The following ADAP1 variants were observed in gnomAD, a reference collection of about 807,000 sequenced individuals.
ADAP1 encodes the protein arf-GAP with dual PH domain-containing protein 1.
Under a neutral mutation model 54.9 loss-of-function variants are expected in ADAP1, and 31 were observed. The ratio of observed to expected loss-of-function variants is 0.56; its 90% CI spans 0.42 to 0.76. The LOEUF (loss-of-function observed/expected upper bound fraction) is 0.76. ADAP1 is among the 30% of genes least tolerant of loss of function. The probability of loss-of-function intolerance (pLI) is 0.00; values close to 1 mark genes in which losing one functional copy is unlikely to be tolerated. For missense variants in ADAP1, 535 were observed against 512.4 expected, an observed-to-expected ratio of 1.04 and a Z score of -0.42; for synonymous variants, 313 against 202.6, an observed-to-expected ratio of 1.55 and a Z score of -4.63.
chr7:904,931 G>C (rs527953763), intron 5 of ADAP1, 129 bp downstream of exon 5: 21 of 785,482 alleles, frequency 2.7e-5, no homozygotes, highest in African/African-American at 6.9e-5. Flanking sequence ...GGTTCTCCTG[G>C]AGCGTCCCCA....
intron 4 of ADAP1, among the ~76,000 whole-genome samples, chr7:911,977 G>T: frequency 6.6e-6 from 1 of 152,180 alleles, no homozygotes; most frequent in East Asian, 1.9e-4. Flanking sequence ...AAAGCCTCGC[G>T]CTGCCTGCGA....
At chr7:905,270 C>CCCGGGGGACACGG in intron 4 of ADAP1, 98 bp from the exon 5 acceptor site, 1 of 507,718 alleles carries the variant, frequency 2.0e-6, no homozygotes, top group Admixed American at 2.9e-5. Context: ...GGGGAGAAGA[C>CCCGGGGGACACGG]ACGGGGGACA....
At chr7:907,117 A>C (rs1304383145) in intron 4 of ADAP1, among the ~76,000 whole-genome samples, 2 of 151,998 alleles carry the variant, frequency 1.3e-5, no homozygotes, top group Non-Finnish European at 2.9e-5. Context: ...TTTTCAGGAA[A>C]GCTCATCTGA....
chr7:925,465 C>T (rs1414404026), intron 3 of ADAP1, among the ~76,000 whole-genome samples: 1 of 152,130 alleles, frequency 6.6e-6, no homozygotes, highest in African/African-American at 2.4e-5. Context: ...TCCGGCCTCC[C>T]CTCCACCCTA....
intron 4 of ADAP1, among the ~76,000 whole-genome samples, chr7:917,504 G>A (rs539542250): frequency 6.6e-5 from 10 of 152,222 alleles, no homozygotes; most frequent in Admixed American, 1.3e-4. Flanking sequence ...TTGCTCTGCC[G>A]CCCAGGCTGG....
At chr7:900,471 C>G in intron 7 of ADAP1, 62 bp downstream of exon 7, 2 of 1,494,034 alleles carry the variant, frequency 1.3e-6, no homozygotes, top group Non-Finnish European at 9.1e-7. Flanking sequence ...ACGAGGGCTC[C>G]GTCCACCCCC....
intron 4 of ADAP1, among the ~76,000 whole-genome samples, chr7:907,455 C>T (rs1845518498): frequency 6.6e-6 from 1 of 152,158 alleles, no homozygotes; most frequent in South Asian, 2.1e-4. Context: ...AGTCTCGGGC[C>T]CGTGGGATCG....
intron 3 of ADAP1, among the ~76,000 whole-genome samples, chr7:921,606 G>A (rs1187640873): frequency 2.0e-5 from 3 of 152,222 alleles, no homozygotes; most frequent in East Asian, 1.9e-4. Context: ...TGAGCCTCGC[G>A]TCCGGCCCCT....
At chr7:914,401 C>A (rs1016589011) in intron 4 of ADAP1, among the ~76,000 whole-genome samples, 1 of 152,220 alleles carries the variant, frequency 6.6e-6, no homozygotes, top group Non-Finnish European at 1.5e-5. Flanking sequence ...AGGGCAGGAA[C>A]GCCGCCGGGA....
intron 9 of ADAP1, 65 bp from the exon 10 acceptor site, chr7:899,326 G>A (rs1844662844): frequency 1.2e-6 from 2 of 1,605,944 alleles, no homozygotes; most frequent in Admixed American, 1.7e-5. Context: ...ACTCAGGCCA[G>A]GACTCGGGAG....
intron 1 of ADAP1, among the ~76,000 whole-genome samples, chr7:937,986 C>T (rs1846831017): frequency 6.6e-6 from 1 of 152,194 alleles, no homozygotes; most frequent in African/African-American, 2.4e-5. Context: ...CCTACTTCAG[C>T]AGAGCCCCTG....
In ADAP1 at chr7:920,059, A is replaced by T. The variant is rs773566929; in HGVS notation, c.306-9T>A. 6.2e-7 allele frequency: 1 copy of T among 1,600,004 alleles called. No individual in the cohort carries two copies. Among genetic ancestry groups the T allele is most frequent in the Non-Finnish European group, 8.5e-7 (1 of 1,178,954 alleles). ...ACTGCTCTCGAAGGAGCCTGTGGGG[A>T]GAGGAGAGACTGAGCCACTGGGCCA... On this transcript the variant is annotated splice_polypyrimidine_tract_variant and intron_variant, in intron 3 of 10. Transcript: ENST00000265846. This position sits in a 1 kb window ranked among gnomAD's most constrained non-coding sequence, Gnocchi z 4.5.
intron 4 of ADAP1, among the ~76,000 whole-genome samples, chr7:911,215 C>T (rs776230005): frequency 1.3e-5 from 2 of 152,136 alleles, no homozygotes; most frequent in Admixed American, 6.5e-5. Flanking sequence ...AGAGGGTGGA[C>T]GAGGGCTCCT....
At chr7:901,172 C>T in intron 6 of ADAP1, 1 of 373,452 alleles carries the variant, frequency 2.7e-6, no homozygotes, top group Non-Finnish European at 5.3e-6. Flanking sequence ...GGGCCAGCAC[C>T]CTGGAACAGA....
At chr7:941,903 A>C (rs1389500791) in intron 1 of ADAP1, among the ~76,000 whole-genome samples, 1 of 152,278 alleles carries the variant, frequency 6.6e-6, no homozygotes, top group Non-Finnish European at 1.5e-5. Context: ...TCATTAAAAA[A>C]TTACAGTTAT....
intron 3 of ADAP1, among the ~76,000 whole-genome samples, chr7:925,592 G>A (rs1168057489): frequency 6.6e-6 from 1 of 152,206 alleles, no homozygotes; most frequent in Non-Finnish European, 1.5e-5. Flanking sequence ...GGCCCCGGAT[G>A]CTGGGGAAGA....
At chr7:919,902 G>GGGGGAGGGAGGGAAAGAGATA in intron 4 of ADAP1, 66 bp downstream of exon 4, 2 of 1,243,114 alleles carry the variant, frequency 1.6e-6, no homozygotes, top group Non-Finnish European at 2.2e-6. Context: ...GGAAAGAGAT[G>GGGGGAGGGAGGGAAAGAGATA]GGGGAGGGAG....
intron 4 of ADAP1, among the ~76,000 whole-genome samples, chr7:912,819 GCCT>G (rs1845778957): frequency 2.0e-5 from 3 of 151,986 alleles, no homozygotes; most frequent in Non-Finnish European, 4.4e-5. Flanking sequence ...TCCTGTCTCA[GCCT>G]CCTGAGTAGC....
Position 904,012 on chromosome 7 carries a change from C to G in ADAP1, c.648+114G>C, listed in dbSNP as rs1226655001. ...CCGACTTCCCGCCTTCTCATGCCGC[C>G]TAGCTCAAGTGCCTACCCTCCCGTA... On this transcript the variant is annotated intron_variant, in intron 6 of 10. Coordinates refer to ENST00000265846, the MANE Select transcript of ADAP1 (RefSeq NM_006869.4). The G allele has an allele frequency of 2.8e-6, 4 of 1,410,240 alleles. No individual in the cohort carries two copies. In the African/African-American group the frequency reaches 4.4e-5, roughly 16 times the overall value. The allele number at this position is 1,410,240 out of a possible 1,614,324, so 87.4% of individuals were successfully genotyped here.
Sources: allele counts gnomAD v4.1 joint callset (sites outside exome capture counted in the v4.1 genomes callset), GRCh38; gene constraint gnomAD v4.1.1; non-coding constraint Gnocchi (gnomAD v3.1); transcripts MANE v1.5; gene names NCBI Gene and HGNC (gene_info 2026-07-23, HGNC 2026-07-21).